HAO1: variants seen among roughly 807,000 people sequenced by gnomAD.
HAO1 encodes 2-Hydroxyacid oxidase 1.
Under a neutral mutation model 39.7 loss-of-function variants are expected in HAO1, and 34 were observed. The ratio of observed to expected loss-of-function variants is 0.86; its 90% CI spans 0.65 to 1.14. HAO1 has a LOEUF of 1.14. Ranked by LOEUF, HAO1 falls within the 50% of genes most tolerant of loss-of-function variation. The probability of loss-of-function intolerance (pLI) is 0.00; values close to 1 mark genes in which losing one functional copy is unlikely to be tolerated. For synonymous variants in HAO1, 172 were observed against 173.2 expected (o/e 0.99, Z 0.05); for missense variants, 479 against 464.5 (o/e 1.03, Z -0.29).
intron 2 of HAO1, among the ~76,000 whole-genome samples, chr20:7,920,557 T>A (rs2050326317): frequency 6.6e-6 from 1 of 152,172 alleles, no homozygotes; most frequent in African/African-American, 2.4e-5. Context: ...ACAACTTTGA[T>A]CAATATGTCA....
chr20:7,914,178 C>A lies in HAO1; in HGVS notation c.531G>T (p.Leu177=), dbSNP rs1452862471. ...RLDDVRNRFK[L]PPQLRMKNFE... ...ATCATGGTTACCTGAGTTGTGGCGG[C>A]AGTTTGAATCTGTTACGCACATCAT... is the stretch of plus-strand genomic sequence containing the variant. The change falls in exon 3 of 8, where the codon CTG becomes CTT. Residue 177 remains leucine (L), a synonymous_variant. Coordinates refer to ENST00000378789, the MANE Select transcript of HAO1 (RefSeq NM_017545.3). 6.2e-7 allele frequency: 1 copy of A among 1,613,770 alleles called. No homozygotes were observed. Among genetic ancestry groups the A allele is most frequent in the Non-Finnish European group, 8.5e-7 (1 of 1,179,872 alleles).
rs1266147632 is a variant in HAO1, at chr20:7,906,194, T to C, written c.681A>G (p.Arg227=). ...ISWEDIKWLR[R]LTSLPIVAKG... ...TTGCAACAATTGGCAATGATGTCAGTCTTCTCAGCCATTTGATATCTTCCC... is the reference window on the plus strand; with the variant it reads ...TTGCAACAATTGGCAATGATGTCAGCCTTCTCAGCCATTTGATATCTTCCC... Residue 227 remains arginine (R), a synonymous_variant, in exon 4 of 8, where the codon AGA becomes AGG. Transcript: ENST00000378789. 8.1e-6 allele frequency: 13 copies of C among 1,613,454 alleles called. No homozygotes were observed. The highest frequency in any genetic ancestry group is 1.1e-5 in the Non-Finnish European group (13 of 1,179,430).
intron 4 of HAO1, among the ~76,000 whole-genome samples, chr20:7,895,534 A>G (rs756320259): frequency 1.6e-4 from 25 of 152,040 alleles, no homozygotes; most frequent in South Asian, 2.1e-4. Flanking sequence ...AATATTTTCA[A>G]TTAATAAGAT....
chr20:7,909,328 C>G lies in HAO1; in HGVS notation c.546-2999G>C, dbSNP rs560860022. Among the ~76,000 whole-genome samples, 7 of 141,760 alleles carry G rather than the reference C, an allele frequency of 4.9e-5. No homozygotes were observed. In the East Asian group the frequency reaches 1.5e-3, roughly 30 times the overall value. 93.0% of individuals were successfully genotyped at this position (141,760 alleles called of 152,430 possible). On this transcript the variant is annotated intron_variant, in intron 3 of 7. Transcript: ENST00000378789. Reference sequence around the variant, plus strand: ...TTTTACCAAAGGCTCCAAAAGAAACCTCCATGAATGCTATTTTTATTCGGA... The same window carrying G: ...TTTTACCAAAGGCTCCAAAAGAAACGTCCATGAATGCTATTTTTATTCGGA...
chr20:7,906,149 C>A lies in HAO1; in HGVS notation c.721+5G>T, dbSNP rs564179630. On this transcript the variant is annotated splice_donor_5th_base_variant and intron_variant, in intron 4 of 7. Transcript: ENST00000378789. ...GTATGAATTCAAGTAGAGAAATAAA[C>A]GAACCTCTCAAAATGCCCTTTGCAA... 1 of 1,599,988 alleles carries A rather than the reference C, an allele frequency of 6.3e-7. No homozygotes were observed. Among genetic ancestry groups the A allele is most frequent in the Non-Finnish European group, 8.6e-7 (1 of 1,167,398 alleles).
intron 3 of HAO1, among the ~76,000 whole-genome samples, 187 bp from the exon 4 acceptor site, chr20:7,906,516 G>C (rs1034716278): frequency 2.6e-5 from 4 of 152,030 alleles, no homozygotes. Context: ...TGATACTCTA[G>C]TGGTCTTAAT....
chr20:7,919,020 C>T (rs1166775473), intron 2 of HAO1, among the ~76,000 whole-genome samples: 6 of 152,140 alleles, frequency 3.9e-5, no homozygotes, highest in South Asian at 4.1e-4. Context: ...TAGACTGTAA[C>T]GGAAGATTCC....
intron 2 of HAO1, among the ~76,000 whole-genome samples, chr20:7,930,358 A>G (rs2050380250): frequency 6.6e-6 from 1 of 152,220 alleles, no homozygotes; most frequent in South Asian, 2.1e-4. Flanking sequence ...AAATACAATA[A>G]TAACTTCATA....
chr20:7,887,398 A>G (rs1287842767), intron 5 of HAO1, among the ~76,000 whole-genome samples: 3 of 152,150 alleles, frequency 2.0e-5, no homozygotes, highest in African/African-American at 7.2e-5. Flanking sequence ...GGTTTTATGT[A>G]TGAGGCTGAA....
At chr20:7,910,783 G>T (rs2050275755) in intron 3 of HAO1, among the ~76,000 whole-genome samples, 2 of 152,096 alleles carry the variant, frequency 1.3e-5, no homozygotes, top group South Asian at 2.1e-4. Flanking sequence ...CCTTTATCCT[G>T]CCATACTTAT....
chr20:7,919,684 A>G (rs2050322275), intron 2 of HAO1, among the ~76,000 whole-genome samples: 1 of 152,138 alleles, frequency 6.6e-6, no homozygotes, highest in Non-Finnish European at 1.5e-5. Flanking sequence ...TACTGGGGCA[A>G]TGTTTCTGAA....
At chr20:7,886,192 G>C (rs1005838231) in intron 5 of HAO1, among the ~76,000 whole-genome samples, 3 of 145,096 alleles carry the variant, frequency 2.1e-5, no homozygotes, top group African/African-American at 7.9e-5. Context: ...GTTTTTTTTT[G>C]AGAGAGGGTC....
intron 4 of HAO1, among the ~76,000 whole-genome samples, chr20:7,903,884 G>T (rs1208717860): frequency 6.7e-6 from 1 of 149,532 alleles, no homozygotes; most frequent in African/African-American, 2.5e-5. Flanking sequence ...GGTGGTGGTG[G>T]TGGTGGTGGT....
chr20:7,926,677 T>C lies in HAO1; in HGVS notation c.289+7807A>G, dbSNP rs73597957. Among the ~76,000 whole-genome samples, 838 of 152,278 alleles carry C rather than the reference T, an allele frequency of 5.5e-3. 11 individuals carry two copies. Among genetic ancestry groups the C allele is most frequent in the African/African-American group, 0.019 (805 of 41,558 alleles). ...GGGTCTGTGTGGCTCTTTGTGTTAC[T>C]CTGCAATCTGTTCCACCTGCATCTT... On this transcript the variant is annotated intron_variant, in intron 2 of 7. Transcript: ENST00000378789.
At chr20:7,927,417 CG>C (rs1568519574) in intron 2 of HAO1, among the ~76,000 whole-genome samples, 1 of 151,792 alleles carries the variant, frequency 6.6e-6, no homozygotes, top group African/African-American at 2.4e-5. Flanking sequence ...GAGTTTCAAA[CG>C]GATGTGCCAT....
At chr20:7,934,428 G>C (rs1322768143) in intron 2 of HAO1, 56 bp downstream of exon 2, 1 of 1,361,422 alleles carries the variant, frequency 7.3e-7, no homozygotes, top group East Asian at 2.4e-5. Flanking sequence ...ATTCAGAGAA[G>C]GAGGTCGATA....
intron 5 of HAO1, among the ~76,000 whole-genome samples, chr20:7,891,487 T>C (rs2050173928): frequency 6.6e-6 from 1 of 152,200 alleles, no homozygotes; most frequent in African/African-American, 2.4e-5. Context: ...TCCCATTCCA[T>C]GGATTGTCTA....
intron 4 of HAO1, among the ~76,000 whole-genome samples, chr20:7,903,347 A>C (rs2050229703): frequency 6.6e-6 from 1 of 151,836 alleles, no homozygotes; most frequent in African/African-American, 2.4e-5. Flanking sequence ...TTCATCAAGA[A>C]GTTCAGTAAA....
At position 7,914,145 on chromosome 20, in the gene HAO1, C is replaced by A; in HGVS notation, c.545+19G>T. The A allele has an allele frequency of 1.9e-6, 3 of 1,612,472 alleles. No individual in the cohort carries two copies. Among genetic ancestry groups the A allele is most frequent in the Non-Finnish European group, 2.5e-6 (3 of 1,178,600 alleles). On this transcript the variant is annotated intron_variant, in intron 3 of 7. Coordinates refer to ENST00000378789, the MANE Select transcript of HAO1 (RefSeq NM_017545.3). ...AGATCCCTTTCGCCTCAGCTCGGGG[C>A]CCACATGATCATGGTTACCTGAGTT...
Sources: allele counts gnomAD v4.1 joint callset (sites outside exome capture counted in the v4.1 genomes callset), GRCh38; gene constraint gnomAD v4.1.1; transcripts MANE v1.5; gene names NCBI Gene and HGNC (gene_info 2026-07-23, HGNC 2026-07-21).